The following CAMTA1 variants were observed in gnomAD, a reference collection of about 807,000 sequenced individuals.
CAMTA1 encodes the protein calmodulin binding transcription activator 1.
In CAMTA1, 27 loss-of-function variants were observed where a neutral mutation model predicts 170.9. The observed-to-expected ratio is 0.16, with a 90% CI of 0.12 to 0.22. The LOEUF is 0.22. CAMTA1 is among the 10% of genes least tolerant of loss of function. The pLI is 1.00. For missense variants in CAMTA1, 1,619 were observed against 2,217.2 expected (o/e 0.73, Z 5.42); for synonymous variants, 833 against 891.5 (o/e 0.93, Z 1.17).
chr1:7,538,336 C>T (rs763213827), intron 6 of CAMTA1, among the ~76,000 whole-genome samples: 5 of 151,578 alleles, frequency 3.3e-5, no homozygotes, highest in Admixed American at 1.3e-4. Flanking sequence ...CAACTGAATA[C>T]ACAAGGAGTT....
At chr1:7,746,870 C>G (rs2096860772) in intron 18 of CAMTA1, among the ~76,000 whole-genome samples, 1 of 152,218 alleles carries the variant, frequency 6.6e-6, no homozygotes, top group African/African-American at 2.4e-5. Context: ...CTCTTAACCT[C>G]AAGTGATCCG....
At chr1:6,902,077 A>AAAAT (rs1677145438) in intron 3 of CAMTA1, among the ~76,000 whole-genome samples, 2 of 70,874 alleles carry the variant, frequency 2.8e-5, no homozygotes, top group South Asian at 5.8e-4. Flanking sequence ...ACACACAAAA[A>AAAAT]AAAAAATAAA....
In CAMTA1 at chr1:7,650,414, G is replaced by A. The variant is rs549957338; in HGVS notation, c.664+9861G>A. On this transcript the variant is annotated intron_variant, in intron 7 of 22. Coordinates refer to ENST00000303635, the MANE Select transcript of CAMTA1 (RefSeq NM_015215.4). ...TTTCCTGATGATGGAGTCACTGGCC[G>A]GGCTGGAATGGCGCCTCTCCCTACC... Among the ~76,000 whole-genome samples the A allele has an allele frequency of 9.2e-5, 14 of 152,262 alleles. No homozygotes were observed. The East Asian group carries it at 1.5e-3, about 17-fold the overall frequency.
intron 6 of CAMTA1, among the ~76,000 whole-genome samples, chr1:7,515,735 G>A (rs541354935): frequency 4.3e-4 from 66 of 152,210 alleles, no homozygotes; most frequent in East Asian, 2.5e-3. Context: ...CTAACCTCTC[G>A]CGAGCCCTGG....
chr1:7,289,099 GT>G (rs1046684673), intron 5 of CAMTA1, among the ~76,000 whole-genome samples: 6 of 152,012 alleles, frequency 3.9e-5, no homozygotes, highest in African/African-American at 1.5e-4. Context: ...GGTGCCACAC[GT>G]TTAAACAATC....
intron 7 of CAMTA1, among the ~76,000 whole-genome samples, chr1:7,652,101 C>T (rs1312148760): frequency 6.6e-6 from 1 of 152,012 alleles, no homozygotes; most frequent in Non-Finnish European, 1.5e-5. Flanking sequence ...CAAGCATTGC[C>T]CCCACACATC....
intron 3 of CAMTA1, among the ~76,000 whole-genome samples, chr1:7,085,527 A>T (rs944348894): frequency 2.0e-5 from 3 of 152,248 alleles, no homozygotes; most frequent in African/African-American, 7.2e-5. Flanking sequence ...AGCAAGAGAA[A>T]GTCTGAGCAG....
intron 6 of CAMTA1, among the ~76,000 whole-genome samples, chr1:7,551,079 A>G (rs2150180264): frequency 6.6e-6 from 1 of 152,262 alleles, no homozygotes; most frequent in African/African-American, 2.4e-5. Flanking sequence ...GGCCTGGGAG[A>G]GCCAGTGTGA....
intron 5 of CAMTA1, among the ~76,000 whole-genome samples, chr1:7,424,058 CT>C (rs969813052): frequency 5.3e-5 from 8 of 152,074 alleles, no homozygotes; most frequent in Non-Finnish European, 1.2e-4. Context: ...TGGTGGGCAC[CT>C]GATGGGGGCA....
chr1:7,301,612 G>A (rs1395328114), intron 5 of CAMTA1, among the ~76,000 whole-genome samples: 1 of 152,138 alleles, frequency 6.6e-6, no homozygotes, highest in African/African-American at 2.4e-5. Flanking sequence ...TCTCGGGGGA[G>A]TCTGCTCACC....
chr1:7,047,172 A>G (rs901929326), intron 3 of CAMTA1, among the ~76,000 whole-genome samples: 5 of 152,176 alleles, frequency 3.3e-5, no homozygotes, highest in African/African-American at 1.2e-4. Context: ...CTCCTCCCCC[A>G]CAACATGCAG....
intron 6 of CAMTA1, among the ~76,000 whole-genome samples, chr1:7,607,788 C>T (rs1408977184): frequency 2.0e-5 from 3 of 152,252 alleles, no homozygotes; most frequent in African/African-American, 4.8e-5. Flanking sequence ...AGAGTGGAGT[C>T]GTATCTTCTG....
rs1487831602 is a variant in CAMTA1, at chr1:7,681,992, C to T, written c.2914+4259C>T. 6.6e-6 allele frequency among the ~76,000 whole-genome samples: 1 copy of T among 151,922 alleles called. No homozygotes were observed. The highest frequency in any genetic ancestry group is 2.4e-5 in the African/African-American group (1 of 41,340). On this transcript the variant is annotated intron_variant, in intron 11 of 22. Coordinates refer to ENST00000303635, the MANE Select transcript of CAMTA1 (RefSeq NM_015215.4). The surrounding 1 kb of genome is among the most constrained non-coding windows in gnomAD (Gnocchi z 4.6). The stretch of plus-strand genomic sequence containing the variant: ...GAAGATTTAGGGTACCCTGTCCCCA[C>T]CCCCACCTGCCGGCCCTTCTTGGAA...
At chr1:7,476,375 G>A (rs992396883) in intron 6 of CAMTA1, among the ~76,000 whole-genome samples, 1 of 152,192 alleles carries the variant, frequency 6.6e-6, no homozygotes, top group Non-Finnish European at 1.5e-5. Flanking sequence ...TCCAGAGAAG[G>A]AGACACAGAA....
intron 6 of CAMTA1, among the ~76,000 whole-genome samples, chr1:7,587,829 T>A (rs2095323814): frequency 6.6e-6 from 1 of 152,016 alleles, no homozygotes; most frequent in Non-Finnish European, 1.5e-5. Context: ...GGGAGGGTCA[T>A]GGGGAACAGA....
At chr1:7,043,332 T>TA (rs772211847) in intron 3 of CAMTA1, among the ~76,000 whole-genome samples, 10 of 150,096 alleles carry the variant, frequency 6.7e-5, no homozygotes, top group Non-Finnish European at 1.3e-4. Flanking sequence ...TTGTCTGCCT[T>TA]ACCTTTCTGT....
chr1:7,250,337 T>C (rs1180945684), intron 5 of CAMTA1, among the ~76,000 whole-genome samples: 1 of 152,184 alleles, frequency 6.6e-6, no homozygotes, highest in Non-Finnish European at 1.5e-5. Context: ...GGGGAGGGCA[T>C]GAGTCAAGGT....
chr1:6,819,026 C>A (rs1646171330), intron 1 of CAMTA1, among the ~76,000 whole-genome samples: 1 of 151,942 alleles, frequency 6.6e-6, no homozygotes, highest in Non-Finnish European at 1.5e-5. Context: ...TATCATGGTT[C>A]ACTGCAGCCT....
intron 1 of CAMTA1, among the ~76,000 whole-genome samples, chr1:6,787,488 A>G (rs1639742511): frequency 6.6e-6 from 1 of 152,264 alleles, no homozygotes; most frequent in Non-Finnish European, 1.5e-5. Flanking sequence ...ACATGTAGGT[A>G]TACACAGATG....
Sources: allele counts gnomAD v4.1 joint callset (sites outside exome capture counted in the v4.1 genomes callset), GRCh38; gene constraint gnomAD v4.1.1; non-coding constraint Gnocchi (gnomAD v3.1); transcripts MANE v1.5; gene names NCBI Gene and HGNC (gene_info 2026-07-23, HGNC 2026-07-21).